Variants in EIF4H observed in about 807,000 individuals in gnomAD.
The protein encoded by EIF4H is eukaryotic translation initiation factor 4H.
A neutral mutation model predicts 30.6 loss-of-function variants in EIF4H; 8 were observed. That is an observed-to-expected ratio of 0.26 (90% CI 0.15 to 0.47). The LOEUF (loss-of-function observed/expected upper bound fraction) is 0.47. EIF4H is among the 20% of genes least tolerant of loss of function. EIF4H has a pLI of 0.99. For missense variants in EIF4H, 188 were observed against 339.5 expected, an observed-to-expected ratio of 0.55 and a Z score of 3.51; for synonymous variants, 106 against 122.7, an observed-to-expected ratio of 0.86 and a Z score of 0.90.
chr7:74,180,448 A>T lies in EIF4H; in HGVS notation c.59+6006A>T, dbSNP rs1446149. 8.5e-3 allele frequency among the ~76,000 whole-genome samples: 1,294 copies of T among 152,320 alleles called. 42 individuals are homozygous for T. The highest frequency in any genetic ancestry group is 0.06 in the Admixed American group (918 of 15,280). ...ATTCATTTTTACTGCTTTACCAAGGATATTCCTAATTGAAGCTGTGATTTT... is the reference window on the plus strand; with the variant it reads ...ATTCATTTTTACTGCTTTACCAAGGTTATTCCTAATTGAAGCTGTGATTTT... On this transcript the variant is annotated intron_variant, in intron 1 of 6. Transcript: ENST00000265753.
intron 1 of EIF4H, among the ~76,000 whole-genome samples, chr7:74,178,965 C>G (rs537163178): frequency 6.6e-6 from 1 of 151,976 alleles, no homozygotes; most frequent in South Asian, 2.1e-4. Flanking sequence ...CCTTCCAGTT[C>G]AGGGCTAGGG....
intron 5 of EIF4H, among the ~76,000 whole-genome samples, chr7:74,191,765 CCCA>C (rs1801220447): frequency 6.6e-6 from 1 of 152,056 alleles, no homozygotes. Flanking sequence ...TTCCTAGAAA[CCCA>C]CCAACAGATT....
chr7:74,181,665 A>AACTC (rs1446206383), intron 1 of EIF4H, among the ~76,000 whole-genome samples: 18 of 151,942 alleles, frequency 1.2e-4, no homozygotes, highest in African/African-American at 4.1e-4. Flanking sequence ...GCTGGTCTCG[A>AACTC]ACTCCCGACC....
intron 1 of EIF4H, among the ~76,000 whole-genome samples, chr7:74,178,912 TA>T (rs1368673009): frequency 3.3e-5 from 5 of 152,230 alleles, no homozygotes; most frequent in Admixed American, 1.3e-4. Context: ...GGAGCTCAAG[TA>T]TGTGGCTGCT....
At chr7:74,182,951 T>C (rs1419883259) in intron 1 of EIF4H, among the ~76,000 whole-genome samples, 1 of 152,190 alleles carries the variant, frequency 6.6e-6, no homozygotes, top group Non-Finnish European at 1.5e-5. Context: ...CTGGTGAAAC[T>C]GTTCTCATTG....
intron 1 of EIF4H, among the ~76,000 whole-genome samples, chr7:74,182,358 A>G (rs983850201): frequency 3.3e-5 from 5 of 152,046 alleles, no homozygotes; most frequent in African/African-American, 4.8e-5. Flanking sequence ...CAAAAACCCA[A>G]ATGTTACCTG....
intron 1 of EIF4H, among the ~76,000 whole-genome samples, chr7:74,181,154 T>C (rs1313843109): frequency 6.6e-6 from 1 of 152,190 alleles, no homozygotes; most frequent in Non-Finnish European, 1.5e-5. Flanking sequence ...CTATACCCAC[T>C]AAACAACTCC....
intron 1 of EIF4H, 119 bp downstream of exon 1, chr7:74,174,561 C>T: frequency 2.0e-6 from 2 of 981,410 alleles, no homozygotes; most frequent in Non-Finnish European, 2.6e-6. Flanking sequence ...CCGCGGAGGC[C>T]TAGGAGCGGC....
At chr7:74,175,107 A>G (rs1240827971) in intron 1 of EIF4H, among the ~76,000 whole-genome samples, 1 of 152,166 alleles carries the variant, frequency 6.6e-6, no homozygotes, top group Non-Finnish European at 1.5e-5. Flanking sequence ...CTTTGGCACA[A>G]TTTCATTTCT....
intron 1 of EIF4H, among the ~76,000 whole-genome samples, chr7:74,182,118 T>C (rs973313094): frequency 5.3e-5 from 8 of 152,162 alleles, no homozygotes; most frequent in African/African-American, 1.7e-4. Flanking sequence ...TTTTTCCCAG[T>C]TTTTGCAAAG....
Position 74,189,703 on chromosome 7 carries a change from A to T in EIF4H, c.278A>T (p.Asp93Val). The change falls in exon 3 of 7, where the codon GAT becomes GTT. Residue 93 changes from aspartate to valine, a missense_variant. Asp to Val is a radical substitution (Grantham distance 152, BLOSUM62 -3). Transcript: ENST00000265753. ...GFCYVEFDEVDSLKEALTYDG... is the reference protein window; with the variant it reads ...GFCYVEFDEVVSLKEALTYDG... ...TGCTATGTAGAATTCGATGAAGTGG[A>T]TTCCCTTAAGGAAGCCTTGACATAC... 1 of 1,614,168 alleles carries T rather than the reference A, an allele frequency of 6.2e-7. No individual in the cohort carries two copies. The highest frequency in any genetic ancestry group is 8.5e-7 in the Non-Finnish European group (1 of 1,180,030).
chr7:74,175,271 CT>C (rs1222373852), intron 1 of EIF4H, among the ~76,000 whole-genome samples: 6 of 152,060 alleles, frequency 3.9e-5, no homozygotes, highest in East Asian at 1.9e-4. Flanking sequence ...GGACTCTGCA[CT>C]TTTTTTTATT....
At chr7:74,185,250 C>T (rs1801056120) in intron 1 of EIF4H, among the ~76,000 whole-genome samples, 1 of 152,180 alleles carries the variant, frequency 6.6e-6, no homozygotes, top group Admixed American at 6.5e-5. Context: ...GCCTCAGCCT[C>T]CCAAACTGTT....
At chr7:74,175,289 T>C (rs377600530) in intron 1 of EIF4H, among the ~76,000 whole-genome samples, 38 of 152,330 alleles carry the variant, frequency 2.5e-4, no homozygotes, top group African/African-American at 8.7e-4. Context: ...TATTTTATTT[T>C]TTAAATACAA....
chr7:74,188,994 A>G (rs1286244272), intron 2 of EIF4H, among the ~76,000 whole-genome samples: 1 of 152,088 alleles, frequency 6.6e-6, no homozygotes, highest in African/African-American at 2.4e-5. Flanking sequence ...GTGATTATTA[A>G]GTTATTATAC....
intron 1 of EIF4H, among the ~76,000 whole-genome samples, chr7:74,186,633 G>A (rs1017910272): frequency 3.9e-5 from 6 of 152,022 alleles, no homozygotes; most frequent in African/African-American, 1.2e-4. Flanking sequence ...AGATGACATC[G>A]AGGTTGAAAT....
At position 74,196,109 on chromosome 7, in the gene EIF4H, G is replaced by A. The variant is rs1801345989; in HGVS notation, c.*801G>A. On this transcript the variant is annotated 3_prime_UTR_variant, in exon 7 of 7. Coordinates refer to ENST00000265753, the MANE Select transcript of EIF4H (RefSeq NM_022170.2). ...GTTCACTCCTTTCGCCGTGCGTGGTGGAGGCTGGCCTCTCTGGCTGGGTGC... is the reference window on the plus strand; with the variant it reads ...GTTCACTCCTTTCGCCGTGCGTGGTAGAGGCTGGCCTCTCTGGCTGGGTGC... The A allele has an allele frequency of 6.6e-6, 1 of 152,386 alleles. No individual in the cohort carries two copies. The highest frequency in any genetic ancestry group is 2.4e-5 in the African/African-American group (1 of 41,452). 9.4% of individuals were successfully genotyped at this position (152,386 alleles called of 1,614,324 possible). A position where few individuals can be genotyped will look rare whatever the true frequency, so the allele number is the denominator to read the frequency against.
intron 1 of EIF4H, among the ~76,000 whole-genome samples, chr7:74,179,659 C>T (rs1317105360): frequency 6.9e-6 from 1 of 144,952 alleles, no homozygotes; most frequent in East Asian, 2.0e-4. Flanking sequence ...GTCACTTTAT[C>T]TTGTACTCCG....
At chr7:74,191,799 A>C (rs1167333824) in intron 5 of EIF4H, among the ~76,000 whole-genome samples, 1 of 151,848 alleles carries the variant, frequency 6.6e-6, no homozygotes, top group Non-Finnish European at 1.5e-5. Context: ...GTTTTTTTTG[A>C]GACGGAGTCT....
Sources: allele counts gnomAD v4.1 joint callset (sites outside exome capture counted in the v4.1 genomes callset), GRCh38; gene constraint gnomAD v4.1.1; transcripts MANE v1.5; gene names NCBI Gene and HGNC (gene_info 2026-07-23, HGNC 2026-07-21).